Variants in MTCH1 observed in about 807,000 individuals in gnomAD.
MTCH1 encodes the protein mitochondrial carrier 1.
A neutral mutation model predicts 49.3 loss-of-function variants in MTCH1; 23 were observed. The observed-to-expected ratio is 0.47, with a 90% CI of 0.34 to 0.66. The LOEUF (loss-of-function observed/expected upper bound fraction) is 0.66, where lower values mean the gene tolerates loss of function less well. Ranked by LOEUF, MTCH1 falls within the 30% of genes least tolerant of loss-of-function variation. The pLI is 0.01. For synonymous variants in MTCH1, 229 were observed against 215.2 expected (o/e 1.06, Z -0.56); for missense variants, 397 against 532.1 (o/e 0.75, Z 2.50).
chr6:36,968,408 G>A lies in MTCH1; in HGVS notation c.*495C>T, dbSNP rs2073303052. On this transcript the variant is annotated 3_prime_UTR_variant, in exon 12 of 12. Transcript: ENST00000373627. ...TAGTGTTGAGAAAAACACAGGCAGA[G>A]CCTGGCCATTTGCCTCCTAGCATAG... 3.6e-6 allele frequency: 1 copy of A among 278,786 alleles called. No individual in the cohort carries two copies. The highest frequency in any genetic ancestry group is 2.2e-5 in the African/African-American group (1 of 45,254). 17.3% of individuals were successfully genotyped at this position (278,786 alleles called of 1,614,324 possible). A position where few individuals can be genotyped will look rare whatever the true frequency, so the allele number is the denominator to read the frequency against.
chr6:36,972,638 T>C lies in MTCH1; in HGVS notation c.906+14A>G, dbSNP rs1356001950. On this transcript the variant is annotated intron_variant, in intron 8 of 11. Coordinates refer to ENST00000373627, the MANE Select transcript of MTCH1 (RefSeq NM_001271641.2). The surrounding 1 kb of genome is among the most constrained non-coding windows in gnomAD (Gnocchi z 4.1). ...AGCACACGGAAAGAAGGACAAGTCC[T>C]TGTTCCAACCAACCTGGGAACCTGG... 2 of 1,548,616 alleles carry C rather than the reference T, an allele frequency of 1.3e-6. No individual in the cohort carries two copies. Among genetic ancestry groups the C allele is most frequent in the Non-Finnish European group, 1.7e-6 (2 of 1,144,574 alleles).
Position 36,978,293 on chromosome 6 carries a change from GGTCT to G in MTCH1, c.514-142_514-139del. On this transcript the variant is annotated intron_variant, in intron 3 of 11. Transcript: ENST00000373627. ...CTGGGCCCACCTCAGGTAACCTCCA[GGTCT>G]GGAGCTTGGGGGGAAAAGAAAGCCA... 3.4e-6 allele frequency: 3 copies of G among 888,262 alleles called. No individual in the cohort carries two copies. The South Asian group carries it at 4.8e-5, about 14-fold the overall frequency. 55.0% of individuals were successfully genotyped at this position (888,262 alleles called of 1,614,324 possible). A position where few individuals can be genotyped will look rare whatever the true frequency, so the allele number is the denominator to read the frequency against.
chr6:36,969,114 C>G, intron 11 of MTCH1, 140 bp from the exon 12 acceptor site: 1 of 1,438,458 alleles, frequency 7.0e-7, no homozygotes, highest in Non-Finnish European at 9.1e-7. Flanking sequence ...GGCCTACATC[C>G]CTGGAGGGCA....
At chr6:36,975,317 T>A (rs1361107698) in intron 7 of MTCH1, among the ~76,000 whole-genome samples, 1 of 152,252 alleles carries the variant, frequency 6.6e-6, no homozygotes, top group East Asian at 1.9e-4. Context: ...AAGTCAGATT[T>A]TCAGTCATGT....
chr6:36,981,283 A>C (rs1764077119), intron 2 of MTCH1, among the ~76,000 whole-genome samples: 1 of 152,180 alleles, frequency 6.6e-6, no homozygotes. Flanking sequence ...AACCCGGGGC[A>C]GCAGAAATAA....
chr6:36,968,972 G>A lies in MTCH1; in HGVS notation c.1101C>T (p.Gly367=). ...GCAGGCTGGAGCCTCGGAAGAGCTGGCCCTGGACCAGAAGGAAAAGTAAGG... is the reference window on the plus strand; with the variant it reads ...GCAGGCTGGAGCCTCGGAAGAGCTGACCCTGGACCAGAAGGAAAAGTAAGG... ...IHCWKYLSVQ[G]QLFRGSSLLF... The change falls in exon 12 of 12, where the codon GGC becomes GGT. Residue 367 remains glycine, a splice_region_variant and synonymous_variant. Coordinates refer to ENST00000373627, the MANE Select transcript of MTCH1 (RefSeq NM_001271641.2). 6.2e-7 allele frequency: 1 copy of A among 1,613,992 alleles called. No homozygotes were observed. The highest frequency in any genetic ancestry group is 1.1e-5 in the South Asian group (1 of 91,076).
chr6:36,981,514 C>T, intron 2 of MTCH1, 74 bp downstream of exon 2: 1 of 1,416,088 alleles, frequency 7.1e-7, no homozygotes, highest in Non-Finnish European at 9.8e-7. Context: ...TTCCCCGGGG[C>T]CAGCTGGTCC....
chr6:36,970,527 G>A, intron 9 of MTCH1, 54 bp from the exon 10 acceptor site: 5 of 1,609,408 alleles, frequency 3.1e-6, no homozygotes, highest in East Asian at 2.2e-5. Context: ...CAGGGAGCAG[G>A]GACACACCAC....
chr6:36,976,626 G>A (rs770649707), intron 6 of MTCH1: 6 of 470,018 alleles, frequency 1.3e-5, no homozygotes, highest in South Asian at 9.3e-5. Context: ...CCCAGGAAAT[G>A]AGAATCTTAA....
intron 11 of MTCH1, chr6:36,969,226 C>T: frequency 2.0e-6 from 2 of 985,404 alleles, no homozygotes; most frequent in Non-Finnish European, 2.4e-6. Context: ...GCTCATTGCC[C>T]CTCTTGCTTC....
In MTCH1 at chr6:36,982,486, C is replaced by T. The variant is rs1318947469; in HGVS notation, c.322-814G>A. 3.3e-5 allele frequency among the ~76,000 whole-genome samples: 5 copies of T among 152,074 alleles called. No homozygotes were observed. Among genetic ancestry groups the T allele is most frequent in the African/African-American group, 9.7e-5 (4 of 41,370 alleles). ...CTCCACCTCCTCCACCTCCCGGGTT[C>T]AAGTGATTCTCCTACCCCAGCCTCC... On this transcript the variant is annotated intron_variant, in intron 1 of 11. Coordinates refer to ENST00000373627, the MANE Select transcript of MTCH1 (RefSeq NM_001271641.2). This position sits in a 1 kb window ranked among gnomAD's most constrained non-coding sequence, Gnocchi z 4.1.
rs1457295682 is a variant in MTCH1, at chr6:36,968,643, G to T, written c.*260C>A. 2 of 546,108 alleles carry T rather than the reference G, an allele frequency of 3.7e-6. No individual in the cohort carries two copies. Among genetic ancestry groups the T allele is most frequent in the African/African-American group, 3.8e-5 (2 of 53,166 alleles). 33.8% of individuals were successfully genotyped at this position (546,108 alleles called of 1,614,324 possible). ...TGCACAAGACAGACTCAGCAAATCT[G>T]CGAGGTATGGGGATTCTGCCAACTC... On this transcript the variant is annotated 3_prime_UTR_variant, in exon 12 of 12. Coordinates refer to ENST00000373627, the MANE Select transcript of MTCH1 (RefSeq NM_001271641.2).
At chr6:36,970,221 G>A in intron 10 of MTCH1, 107 bp from the exon 11 acceptor site, 1 of 1,436,856 alleles carries the variant, frequency 7.0e-7, no homozygotes, top group Non-Finnish European at 9.6e-7. Flanking sequence ...TCCACACCCT[G>A]ACCCCTGACA....
At chr6:36,985,606 C>G (rs927184473) in intron 1 of MTCH1, among the ~76,000 whole-genome samples, 1 of 152,106 alleles carries the variant, frequency 6.6e-6, no homozygotes, top group African/African-American at 2.4e-5. Flanking sequence ...GTTCCTTCCA[C>G]CCTCTCCCGT....
In MTCH1 at chr6:36,977,058, C is replaced by A; in HGVS notation, c.701+141G>T. ...GGACAGACTATTGAAGCCACTGCCA[C>A]ATTCCTCAGAAGCCAGGCAGCAGGC... On this transcript the variant is annotated intron_variant, in intron 6 of 11. Coordinates refer to ENST00000373627, the MANE Select transcript of MTCH1 (RefSeq NM_001271641.2). The surrounding 1 kb of genome is among the most constrained non-coding windows in gnomAD (Gnocchi z 5.4). 1 of 840,048 alleles carries A rather than the reference C, an allele frequency of 1.2e-6. No homozygotes were observed. Among genetic ancestry groups the A allele is most frequent in the Non-Finnish European group, 2.0e-6 (1 of 506,892 alleles). The allele number at this position is 840,048 out of a possible 1,614,324, so 52.0% of individuals were successfully genotyped here. A position where few individuals can be genotyped will look rare whatever the true frequency, so the allele number is the denominator to read the frequency against.
chr6:36,985,732 C>T (rs1403168269), intron 1 of MTCH1, 121 bp downstream of exon 1: 3 of 697,600 alleles, frequency 4.3e-6, no homozygotes, highest in Non-Finnish European at 6.6e-6. Flanking sequence ...CCCCCAAACC[C>T]GCCGTCCCCA....
At chr6:36,986,488 G>A (rs1764326622), upstream of MTCH1, among the ~76,000 whole-genome samples, 1 of 152,162 alleles carries the variant, frequency 6.6e-6, no homozygotes, top group Non-Finnish European at 1.5e-5. Context: ...CTGGCTGCCA[G>A]ACGTCCCCAA....
chr6:36,970,315 G>T, intron 10 of MTCH1, 91 bp downstream of exon 10: 1 of 1,534,854 alleles, frequency 6.5e-7, no homozygotes, highest in Non-Finnish European at 9.0e-7. Flanking sequence ...AGAGCAGGTG[G>T]GAGGGGGCAG....
Position 36,977,134 on chromosome 6 carries a change from C to T in MTCH1, c.701+65G>A, listed in dbSNP as rs576173671. 70 of 1,546,524 alleles carry T rather than the reference C, an allele frequency of 4.5e-5. No homozygotes were observed. The highest frequency in any genetic ancestry group is 1.9e-4 in the Middle Eastern group (1 of 5,286). ...AAAGGTGCAGCAACCAATCCCAGCACGGCCTGCCCTGGCCGACTCTGAAAG... is the reference window on the plus strand; with the variant it reads ...AAAGGTGCAGCAACCAATCCCAGCATGGCCTGCCCTGGCCGACTCTGAAAG... On this transcript the variant is annotated intron_variant, in intron 6 of 11. Coordinates refer to ENST00000373627, the MANE Select transcript of MTCH1 (RefSeq NM_001271641.2). This position sits in a 1 kb window ranked among gnomAD's most constrained non-coding sequence, Gnocchi z 5.4.
Sources: allele counts gnomAD v4.1 joint callset (sites outside exome capture counted in the v4.1 genomes callset), GRCh38; gene constraint gnomAD v4.1.1; non-coding constraint Gnocchi (gnomAD v3.1); transcripts MANE v1.5; gene names NCBI Gene and HGNC (gene_info 2026-07-23, HGNC 2026-07-21).